Variants in ANKRD13A observed in about 807,000 individuals in gnomAD.
The protein encoded by ANKRD13A is ankyrin repeat domain-containing protein 13A.
A neutral mutation model predicts 81.3 loss-of-function variants in ANKRD13A; 48 were observed. That is an observed-to-expected ratio of 0.59 (90% CI 0.47 to 0.75). ANKRD13A has a LOEUF of 0.75. Ranked by LOEUF, ANKRD13A falls within the 30% of genes least tolerant of loss-of-function variation. ANKRD13A has a pLI of 0.00. For missense variants in ANKRD13A, 612 were observed against 734.0 expected (o/e 0.83, Z 1.92); for synonymous variants, 230 against 270.1 (o/e 0.85, Z 1.45).
chr12:110,030,839 A>C, intron 12 of ANKRD13A, 81 bp downstream of exon 12: 1 of 856,660 alleles, frequency 1.2e-6, no homozygotes, highest in Non-Finnish European at 1.7e-6. Flanking sequence ...TTATGCCTGT[A>C]ATCCCAGCAC....
chr12:110,021,045 A>C (rs1044214656), intron 6 of ANKRD13A: 2 of 435,700 alleles, frequency 4.6e-6, no homozygotes, highest in African/African-American at 4.0e-5. Context: ...TATAAATGGG[A>C]AATGATAGCA....
At chr12:110,028,747 T>C (rs1353533901) in intron 10 of ANKRD13A, 105 bp downstream of exon 10, 3 of 1,406,898 alleles carry the variant, frequency 2.1e-6, no homozygotes, top group Non-Finnish European at 2.9e-6. Flanking sequence ...ACCACCCTTA[T>C]TTTTTTTTCA....
At chr12:110,014,522 G>A (rs1377296005) in intron 3 of ANKRD13A, among the ~76,000 whole-genome samples, 1 of 152,174 alleles carries the variant, frequency 6.6e-6, no homozygotes, top group Non-Finnish European at 1.5e-5. Context: ...TCAAGTTATA[G>A]AGAGCCTGTA....
chr12:110,014,231 T>G (rs1158568563), intron 3 of ANKRD13A, among the ~76,000 whole-genome samples: 2 of 151,888 alleles, frequency 1.3e-5, no homozygotes, highest in African/African-American at 4.8e-5. Context: ...ACTAACACGG[T>G]GAAACCCCAT....
At chr12:110,020,041 C>G (rs1461412646) in intron 6 of ANKRD13A, among the ~76,000 whole-genome samples, 1 of 152,156 alleles carries the variant, frequency 6.6e-6, no homozygotes, top group Admixed American at 6.5e-5. Flanking sequence ...CCTAAGAGCA[C>G]TGATAGTATT....
At chr12:110,011,124 G>A (rs1205141791) in intron 1 of ANKRD13A, among the ~76,000 whole-genome samples, 1 of 151,640 alleles carries the variant, frequency 6.6e-6, no homozygotes, top group Non-Finnish European at 1.5e-5. Context: ...AAAAAAAAAG[G>A]TTGTACTTTC....
intron 1 of ANKRD13A, among the ~76,000 whole-genome samples, chr12:110,005,796 G>C (rs1191146730): frequency 6.6e-6 from 1 of 152,140 alleles, no homozygotes; most frequent in Non-Finnish European, 1.5e-5. Flanking sequence ...TAACGCTGCT[G>C]TGTGTATTTG....
chr12:110,018,497 C>A lies in ANKRD13A; in HGVS notation c.544+9C>A. 1.2e-6 allele frequency: 2 copies of A among 1,613,262 alleles called. No homozygotes were observed. The highest frequency in any genetic ancestry group is 1.7e-6 in the Non-Finnish European group (2 of 1,179,422). The stretch of plus-strand genomic sequence containing the variant: ...TATATTTAAGGGAGAAGGTGAGTGA[C>A]TTCTCTTGTAGTAATCACTGCTCAA... On this transcript the variant is annotated intron_variant, in intron 5 of 14. Transcript: ENST00000261739. This position sits in a 1 kb window ranked among gnomAD's most constrained non-coding sequence, Gnocchi z 4.4.
At chr12:110,008,506 A>G (rs976564562) in intron 1 of ANKRD13A, among the ~76,000 whole-genome samples, 1 of 152,178 alleles carries the variant, frequency 6.6e-6, no homozygotes, top group Non-Finnish European at 1.5e-5. Context: ...GGTTCATAAA[A>G]TGAATTGGAA....
chr12:110,015,565 T>A (rs1169848649), intron 3 of ANKRD13A, among the ~76,000 whole-genome samples: 3 of 152,222 alleles, frequency 2.0e-5, no homozygotes, highest in African/African-American at 7.2e-5. Context: ...CTTTCTTGAT[T>A]TTTTGAGATG....
intron 1 of ANKRD13A, among the ~76,000 whole-genome samples, chr12:110,000,948 G>A (rs1889935647): frequency 1.3e-5 from 2 of 151,212 alleles, no homozygotes; most frequent in African/African-American, 4.9e-5. Flanking sequence ...GTAGAGATGG[G>A]GTTTCTCCAT....
intron 14 of ANKRD13A, among the ~76,000 whole-genome samples, 177 bp from the exon 15 acceptor site, chr12:110,037,181 TG>T (rs1421441357): frequency 6.6e-6 from 1 of 152,176 alleles, no homozygotes; most frequent in East Asian, 1.9e-4. Flanking sequence ...GGCAAGATTG[TG>T]GGGTTTCTCA....
chr12:110,012,273 TAG>T, intron 2 of ANKRD13A, 136 bp downstream of exon 2: 1 of 1,012,556 alleles, frequency 9.9e-7, no homozygotes, highest in Non-Finnish European at 1.4e-6. Flanking sequence ...GCTGAGGGGG[TAG>T]GATCACCTGA....
At chr12:110,031,254 C>T (rs1331423890) in intron 12 of ANKRD13A, among the ~76,000 whole-genome samples, 2 of 151,514 alleles carry the variant, frequency 1.3e-5, no homozygotes, top group East Asian at 1.9e-4. Flanking sequence ...TATATATGAT[C>T]CTAGTTATAT....
chr12:110,033,810 A>T lies in ANKRD13A; in HGVS notation c.1362A>T (p.Thr454=). The T allele has an allele frequency of 6.2e-7, 1 of 1,601,752 alleles. No individual in the cohort carries two copies. The highest frequency in any genetic ancestry group is 1.1e-5 in the South Asian group (1 of 89,252). ...CTTTTGTTTCAGCTTCCCACATCACAAACTTTGAGGTTGATCAATCTGTGT... is the reference window on the plus strand; with the variant it reads ...CTTTTGTTTCAGCTTCCCACATCACTAACTTTGAGGTTGATCAATCTGTGT... ...GTQADSASHI[T]NFEVDQSVFE... is the part of the protein sequence containing the mutation. The change falls in exon 13 of 15, where the codon ACA becomes ACT. Residue 454 remains threonine (T), a synonymous_variant. Transcript: ENST00000261739.
Position 110,016,372 on chromosome 12 carries a change from T to G in ANKRD13A, c.355-16T>G. 1 of 1,581,656 alleles carries G rather than the reference T, an allele frequency of 6.3e-7. No homozygotes were observed. Among genetic ancestry groups the G allele is most frequent in the Non-Finnish European group, 8.6e-7 (1 of 1,158,452 alleles). ...TGCCAAGGGTAATCTGTTTTAAACC[T>G]TTGTCTGCCCTTCAGGCTCCGGATT... On this transcript the variant is annotated splice_polypyrimidine_tract_variant and intron_variant, in intron 3 of 14. Coordinates refer to ENST00000261739, the MANE Select transcript of ANKRD13A (RefSeq NM_033121.2).
intron 7 of ANKRD13A, among the ~76,000 whole-genome samples, chr12:110,025,215 T>G (rs1306371909): frequency 6.6e-6 from 1 of 151,958 alleles, no homozygotes; most frequent in East Asian, 1.9e-4. Flanking sequence ...AATTAACCAG[T>G]CATAGTAGCA....
At chr12:110,032,762 G>GA (rs1361040797) in intron 12 of ANKRD13A, 4 of 152,294 alleles carry the variant, frequency 2.6e-5, no homozygotes, top group Middle Eastern at 6.8e-3. Flanking sequence ...ATATAGTATT[G>GA]AAAATAAAAA....
At chr12:110,010,269 TC>T (rs1385977784) in intron 1 of ANKRD13A, among the ~76,000 whole-genome samples, 1 of 152,214 alleles carries the variant, frequency 6.6e-6, no homozygotes, top group Non-Finnish European at 1.5e-5. Flanking sequence ...TTTACACACC[TC>T]CCCTGTGGCA....
Sources: gnomAD v4.1 joint callset for allele counts (sites outside exome capture counted in the v4.1 genomes callset) on GRCh38, gnomAD v4.1.1 for gene constraint, Gnocchi (gnomAD v3.1) non-coding constraint, MANE v1.5 for transcripts, NCBI Gene and HGNC (gene_info 2026-07-23, HGNC 2026-07-21) for gene names.